Variants in DLG2 observed in about 807,000 individuals in gnomAD.
DLG2 encodes discs large MAGUK scaffold protein 2, also known as disks large homolog 2.
In DLG2, 45 loss-of-function variants were observed where a neutral mutation model predicts 132.5. That is an observed-to-expected ratio of 0.34 (90% CI 0.27 to 0.44). The LOEUF is 0.44. Ranked by LOEUF, DLG2 falls within the 20% of genes least tolerant of loss-of-function variation. DLG2 has a pLI of 1.00. For missense variants in DLG2, 1,045 were observed against 1,196.9 expected (o/e 0.87, Z 1.87); for synonymous variants, 424 against 419.6 (o/e 1.01, Z -0.13).
intron 3 of DLG2, among the ~76,000 whole-genome samples, chr11:85,394,923 G>T (rs1249806813): frequency 2.6e-5 from 4 of 152,156 alleles, no homozygotes; most frequent in Admixed American, 1.3e-4. Context: ...CTGTTCTGCA[G>T]GGCTCCAATT....
Position 83,459,898 on chromosome 11 carries a change from C to A in DLG2, c.2848G>T (p.Asp950Tyr). 1 of 1,603,886 alleles carries A rather than the reference C, an allele frequency of 6.2e-7. No homozygotes were observed. Among genetic ancestry groups the A allele is most frequent in the East Asian group, 2.2e-5 (1 of 44,802 alleles). Residue 950 changes from aspartate (D) to tyrosine (Y), a missense_variant, in exon 28 of 28, where the codon GAT becomes TAT. Asp to Tyr is a radical substitution (Grantham distance 160, BLOSUM62 -3). This residue lies in a region of DLG2 where 398 missense variants were observed against 543.6 expected (regional missense o/e 0.73). Transcript: ENST00000376104. ...TAIVQGDTLE[D>Y]IYNQCKLVIE... ...ACAAGCTTGCATTGGTTATATATAT[C>A]TTCTAAAGTATCTCCTTGGACAATA...
intron 7 of DLG2, among the ~76,000 whole-genome samples, chr11:84,312,318 CA>C (rs1417024975): frequency 1.3e-5 from 2 of 151,838 alleles, no homozygotes; most frequent in African/African-American, 4.8e-5. Flanking sequence ...AAAATACACA[CA>C]AAAAAAGAAA....
intron 6 of DLG2, among the ~76,000 whole-genome samples, chr11:84,547,262 G>A (rs527730961): frequency 6.6e-5 from 10 of 152,018 alleles, no homozygotes; most frequent in Admixed American, 4.6e-4. Flanking sequence ...AAAACTAAAG[G>A]AAAAATTTTT....
intron 6 of DLG2, among the ~76,000 whole-genome samples, chr11:84,828,225 T>C (rs1414221169): frequency 2.0e-5 from 3 of 151,794 alleles, no homozygotes; most frequent in African/African-American, 4.8e-5. Flanking sequence ...TGGGATAGGC[T>C]GGCTTTCATT....
rs553796929 is a variant in DLG2 at position 83,650,192 on chromosome 11, T to C, written c.1826-16867A>G. Among the ~76,000 whole-genome samples, 4 of 152,254 alleles carry C rather than the reference T, an allele frequency of 2.6e-5. No individual in the cohort carries two copies. The South Asian group carries it at 8.3e-4, about 32-fold the overall frequency. ...TATCTATATCCTAATCCCGAGAACTTGTGAATGTTACTTGCTATGCTGAAA... is the reference window on the plus strand; with the variant it reads ...TATCTATATCCTAATCCCGAGAACTCGTGAATGTTACTTGCTATGCTGAAA... On this transcript the variant is annotated intron_variant, in intron 18 of 27. Coordinates refer to ENST00000376104, the MANE Select transcript of DLG2 (RefSeq NM_001142699.3).
intron 19 of DLG2, among the ~76,000 whole-genome samples, chr11:83,555,514 C>T (rs1289013123): frequency 6.6e-6 from 1 of 152,138 alleles, no homozygotes; most frequent in Non-Finnish European, 1.5e-5. Flanking sequence ...ACAGAGGTCT[C>T]AGATATTTAC....
chr11:84,887,402 T>C (rs1363703218), intron 6 of DLG2: 1 of 152,156 alleles, frequency 6.6e-6, no homozygotes, highest in Non-Finnish European at 1.5e-5. Flanking sequence ...GATCTGGATT[T>C]TATCACTGAC....
chr11:84,429,179 A>G (rs1476932939), intron 7 of DLG2, among the ~76,000 whole-genome samples: 1 of 152,170 alleles, frequency 6.6e-6, no homozygotes, highest in Non-Finnish European at 1.5e-5. Flanking sequence ...TTTTGTGTAT[A>G]GTCATTTGGC....
intron 7 of DLG2, among the ~76,000 whole-genome samples, chr11:84,340,419 G>A (rs924833960): frequency 7.2e-5 from 11 of 152,120 alleles, no homozygotes; most frequent in African/African-American, 1.4e-4. Flanking sequence ...TCATTGTGCT[G>A]GTTAAGTATA....
chr11:85,166,490 AT>A (rs1478015662), intron 4 of DLG2, among the ~76,000 whole-genome samples: 7 of 152,042 alleles, frequency 4.6e-5, no homozygotes, highest in African/African-American at 7.2e-5. Flanking sequence ...AGAACTATTT[AT>A]GACTCCCTCC....
At chr11:84,054,078 G>T (rs906795889) in intron 11 of DLG2, among the ~76,000 whole-genome samples, 1 of 152,002 alleles carries the variant, frequency 6.6e-6, no homozygotes, top group East Asian at 1.9e-4. Flanking sequence ...ACCACCTTTG[G>T]ATATCAATTA....
At chr11:83,511,273 G>A (rs752769887) in intron 21 of DLG2, among the ~76,000 whole-genome samples, 1 of 152,082 alleles carries the variant, frequency 6.6e-6, no homozygotes, top group Non-Finnish European at 1.5e-5. Flanking sequence ...TCTTCTGCCT[G>A]GGGAGGAATT....
intron 6 of DLG2, among the ~76,000 whole-genome samples, chr11:85,100,037 T>C (rs934147551): frequency 6.6e-6 from 1 of 152,148 alleles, no homozygotes; most frequent in African/African-American, 2.4e-5. Context: ...GAAATACCTT[T>C]CAAAGATATA....
chr11:83,558,051 T>G (rs7929918), intron 19 of DLG2, among the ~76,000 whole-genome samples: 3,260 of 152,268 alleles, frequency 0.021, 123 homozygotes, highest in African/African-American at 0.075. Flanking sequence ...TCAAGTGAAG[T>G]AATTTGTTTG....
chr11:83,885,808 A>G (rs1290629103), intron 15 of DLG2, among the ~76,000 whole-genome samples: 1 of 152,210 alleles, frequency 6.6e-6, no homozygotes, highest in African/African-American at 2.4e-5. Flanking sequence ...TTTCTTAAAG[A>G]AAAGAATTTT....
intron 6 of DLG2, among the ~76,000 whole-genome samples, chr11:84,847,799 T>C (rs1234985474): frequency 6.6e-6 from 1 of 152,104 alleles, no homozygotes; most frequent in Non-Finnish European, 1.5e-5. Flanking sequence ...CAGATTCTAA[T>C]CCCAAGGTAG....
At chr11:83,651,776 A>G (rs940142349) in intron 18 of DLG2, 20 of 468,542 alleles carry the variant, frequency 4.3e-5, no homozygotes, top group African/African-American at 3.4e-4. Context: ...ATAGGGAGAC[A>G]TGTAAATCCT....
At chr11:84,432,460 A>G (rs1480423168) in intron 7 of DLG2, among the ~76,000 whole-genome samples, 1 of 152,196 alleles carries the variant, frequency 6.6e-6, no homozygotes, top group Non-Finnish European at 1.5e-5. Context: ...CTTCTATTTG[A>G]CAGATGAGAA....
chr11:85,419,832 T>C (rs766337379), intron 3 of DLG2, among the ~76,000 whole-genome samples: 37 of 152,246 alleles, frequency 2.4e-4, no homozygotes, highest in Non-Finnish European at 5.0e-4. Context: ...GCAATTCATC[T>C]AACCTTTTTT....
Sources: allele counts gnomAD v4.1 joint callset (sites outside exome capture counted in the v4.1 genomes callset), GRCh38; gene constraint gnomAD v4.1.1; regional missense constraint gnomAD v4.1.1; transcripts MANE v1.5; gene names NCBI Gene and HGNC (gene_info 2026-07-23, HGNC 2026-07-21).